The following DYDC2 variants were observed in gnomAD, a reference collection of about 807,000 sequenced individuals.
The protein encoded by DYDC2 is DPY30 domain-containing protein 2.
In DYDC2, 19 loss-of-function variants were observed where a neutral mutation model predicts 18.7. The observed-to-expected ratio is 1.02, with a 90% CI of 0.71 to 1.49. The LOEUF (loss-of-function observed/expected upper bound fraction) is 1.49, where lower values mean the gene tolerates loss of function less well. Ranked by LOEUF, DYDC2 falls within the 40% of genes most tolerant of loss-of-function variation. The probability of loss-of-function intolerance (pLI) is 0.00; values close to 1 mark genes in which losing one functional copy is unlikely to be tolerated. For missense variants in DYDC2, 179 were observed against 205.1 expected (o/e 0.87, Z 0.78); for synonymous variants, 63 against 67.6 (o/e 0.93, Z 0.34).
chr10:80,352,811 A>G, upstream of DYDC2: 1 of 494,496 alleles, frequency 2.0e-6, no homozygotes, highest in East Asian at 3.7e-5. Context: ...CACTACAACT[A>G]ACATGGTTTC....
chr10:80,347,923 T>A (rs1842766432), intron 1 of DYDC2, among the ~76,000 whole-genome samples: 1 of 152,238 alleles, frequency 6.6e-6, no homozygotes, highest in Non-Finnish European at 1.5e-5. Context: ...TTAGGATTGC[T>A]TTGGCTATTC....
chr10:80,348,346 C>T (rs1267646145), intron 1 of DYDC2, among the ~76,000 whole-genome samples: 1 of 152,194 alleles, frequency 6.6e-6, no homozygotes, highest in African/African-American at 2.4e-5. Flanking sequence ...TGGAAATTAG[C>T]TTTGGCTGCA....
At chr10:80,354,869 C>T (rs1843260225), upstream of DYDC2, among the ~76,000 whole-genome samples, 1 of 152,120 alleles carries the variant, frequency 6.6e-6, no homozygotes, top group Non-Finnish European at 1.5e-5. Context: ...GTTTTTAAGC[C>T]ACCCAGTGTT....
chr10:80,360,630 A>T lies in DYDC2; in HGVS notation c.-9-1805A>T, dbSNP rs148014449. ...CTAGAACAAGGACATTCTCTTACTCATATTTCCATTATTCAAAATTAAGAA... is the reference window on the plus strand; with the variant it reads ...CTAGAACAAGGACATTCTCTTACTCTTATTTCCATTATTCAAAATTAAGAA... On this transcript the variant is annotated intron_variant, in intron 2 of 4. Coordinates refer to ENST00000256039, the MANE Select transcript of DYDC2 (RefSeq NM_032372.6). Among the ~76,000 whole-genome samples the T allele has an allele frequency of 4.1e-4, 63 of 152,272 alleles. 1 individual carries two copies. In the East Asian group the frequency reaches 0.011, roughly 27 times the overall value.
At chr10:80,362,341 A>G in intron 2 of DYDC2, 94 bp from the exon 3 acceptor site, 1 of 1,488,154 alleles carries the variant, frequency 6.7e-7, no homozygotes, top group Non-Finnish European at 9.0e-7. Context: ...TCTCATATTT[A>G]TCCTGAAATA....
intron 1 of DYDC2, among the ~76,000 whole-genome samples, chr10:80,347,529 C>T (rs1179329701): frequency 1.3e-5 from 2 of 152,094 alleles, no homozygotes; most frequent in Non-Finnish European, 2.9e-5. Flanking sequence ...TTGCCAAGAC[C>T]AATGTCAAGG....
intron 1 of DYDC2, among the ~76,000 whole-genome samples, chr10:80,346,421 A>G (rs1315778060): frequency 9.4e-5 from 12 of 127,582 alleles, no homozygotes; most frequent in Non-Finnish European, 3.2e-5. Flanking sequence ...CCACACCCTC[A>G]CCAATGTGTG....
rs757454321 is a variant in DYDC2 at position 80,367,335 on chromosome 10, C to CTAGTA, written c.*386_*390dup. On this transcript the variant is annotated 3_prime_UTR_variant, in exon 5 of 5. Coordinates refer to ENST00000256039, the MANE Select transcript of DYDC2 (RefSeq NM_032372.6). ...AGAAAGTGGGACCAGGGGGCCAATG[C>CTAGTA]TAGTATGGAGGCTGTGAAGTCCCCA... The CTAGTA allele has an allele frequency of 1.8e-4, 30 of 167,920 alleles. No individual in the cohort carries two copies. Among genetic ancestry groups the CTAGTA allele is most frequent in the Non-Finnish European group, 3.6e-4 (28 of 78,462 alleles). 10.4% of individuals were successfully genotyped at this position (167,920 alleles called of 1,614,324 possible).
chr10:80,364,915 A>G (rs1319785193), intron 4 of DYDC2, among the ~76,000 whole-genome samples: 1 of 152,374 alleles, frequency 6.6e-6, no homozygotes, highest in East Asian at 1.9e-4. Flanking sequence ...ATAAAGGACA[A>G]AGAGGCACAG....
chr10:80,367,953 C>G lies in DYDC2; in HGVS notation c.*1002C>G, dbSNP rs895039211. The G allele has an allele frequency of 6.6e-6, 1 of 152,128 alleles. No individual in the cohort carries two copies. The highest frequency in any genetic ancestry group is 1.5e-5 in the Non-Finnish European group (1 of 68,052). 9.4% of individuals were successfully genotyped at this position (152,128 alleles called of 1,614,324 possible). On this transcript the variant is annotated 3_prime_UTR_variant, in exon 5 of 5. Coordinates refer to ENST00000256039, the MANE Select transcript of DYDC2 (RefSeq NM_032372.6). ...CATCTTGCAAAACTGAAACTCTACA[C>G]CCATTAAAAAATAACTCGCCATTTC...
chr10:80,354,342 T>C (rs6585944), upstream of DYDC2: 114,410 of 150,618 alleles, frequency 0.76, 44,385 homozygotes, highest in East Asian at 0.97. Flanking sequence ...CAAAATTATC[T>C]GGGCGTGGTG....
intron 2 of DYDC2, 48 bp from the exon 3 acceptor site, chr10:80,362,387 T>G: frequency 1.3e-6 from 2 of 1,571,036 alleles, no homozygotes; most frequent in Non-Finnish European, 1.7e-6. Context: ...ATTTTTAATA[T>G]CAGATTAAGT....
chr10:80,362,402 A>G, intron 2 of DYDC2, 33 bp from the exon 3 acceptor site: 1 of 1,593,462 alleles, frequency 6.3e-7, no homozygotes, highest in Non-Finnish European at 8.6e-7. Context: ...TTAAGTTTGT[A>G]AAATAGTGTG....
At chr10:80,363,952 G>GT (rs34018172) in intron 4 of DYDC2, among the ~76,000 whole-genome samples, 68 of 152,214 alleles carry the variant, frequency 4.5e-4, no homozygotes, top group African/African-American at 1.4e-3. Context: ...ACCTCCCACA[G>GT]TTTTTTTCAC....
chr10:80,362,414 C>G lies in DYDC2; in HGVS notation c.-9-21C>G. ...AGATTAAGTTTGTAAAATAGTGTGA[C>G]TTTGTTTTGATGTTTTCCAGGCTGC... On this transcript the variant is annotated intron_variant, in intron 2 of 4. Coordinates refer to ENST00000256039, the MANE Select transcript of DYDC2 (RefSeq NM_032372.6). 1.9e-6 allele frequency: 3 copies of G among 1,599,504 alleles called. No individual in the cohort carries two copies. In the South Asian group the frequency reaches 3.3e-5, roughly 18 times the overall value.
chr10:80,352,310 C>A, upstream of DYDC2: 2 of 1,217,614 alleles, frequency 1.6e-6, no homozygotes, highest in Non-Finnish European at 2.2e-6. Flanking sequence ...ATGTTTTCTC[C>A]TTCCTGCTTT....
chr10:80,352,325 G>A (rs1843043886), upstream of DYDC2: 3 of 1,273,598 alleles, frequency 2.4e-6, no homozygotes, highest in South Asian at 2.1e-5. Context: ...TGCTTTTCAT[G>A]TTGTTCAAGT....
chr10:80,362,017 A>AT, intron 2 of DYDC2, among the ~76,000 whole-genome samples: 1 of 152,226 alleles, frequency 6.6e-6, no homozygotes, highest in East Asian at 1.9e-4. Context: ...GCTAGGAAAT[A>AT]TTTTTTCCTA....
At chr10:80,356,603 C>A (rs944860876), upstream of DYDC2, 1 of 985,396 alleles carries the variant, frequency 1.0e-6, no homozygotes, top group Non-Finnish European at 1.2e-6. Context: ...TCAGGTGAGT[C>A]CTGCTCGACG....
Sources: gnomAD v4.1 joint callset for allele counts (sites outside exome capture counted in the v4.1 genomes callset) on GRCh38, gnomAD v4.1.1 for gene constraint, MANE v1.5 for transcripts, NCBI Gene and HGNC (gene_info 2026-07-23, HGNC 2026-07-21) for gene names.